Variants in EXOC4 observed in about 807,000 individuals in gnomAD.
EXOC4 encodes exocyst complex component 4.
EXOC4 carries 71 observed loss-of-function variants against 107.2 expected under a neutral mutation model. That is an observed-to-expected ratio of 0.66 (90% CI 0.55 to 0.81). EXOC4 has a LOEUF of 0.81. Among genes scored for constraint, EXOC4 ranks in the 30% least tolerant of loss-of-function variants. The pLI, the probability that EXOC4 is intolerant of heterozygous loss-of-function variation, is 0.00. For synonymous variants in EXOC4, 456 were observed against 441.2 expected (o/e 1.03, Z -0.42); for missense variants, 1,108 against 1,189.6 (o/e 0.93, Z 1.01).
At chr7:133,851,164 G>T (rs570301747) in intron 11 of EXOC4, among the ~76,000 whole-genome samples, 2 of 152,250 alleles carry the variant, frequency 1.3e-5, no homozygotes, top group South Asian at 4.1e-4. Context: ...GGAGGCTGGG[G>T]ATACAGCAGA....
intron 7 of EXOC4, among the ~76,000 whole-genome samples, chr7:133,409,914 A>G (rs1044646636): frequency 1.3e-5 from 2 of 152,038 alleles, no homozygotes; most frequent in African/African-American, 4.8e-5. Context: ...ATAATTTTGC[A>G]TTTTTTTGTT....
At position 133,568,223 on chromosome 7, in the gene EXOC4, C is replaced by T. The variant is rs1053101488; in HGVS notation, c.1418-61822C>T. Among the ~76,000 whole-genome samples the T allele has an allele frequency of 9.2e-5, 14 of 151,750 alleles. No homozygotes were observed. In the East Asian group the frequency reaches 2.5e-3, roughly 27 times the overall value. On this transcript the variant is annotated intron_variant, in intron 9 of 17. Coordinates refer to ENST00000253861, the MANE Select transcript of EXOC4 (RefSeq NM_021807.4). ...GTAATTTTCAGTTGCCTCTTCTTTC[C>T]CCCTTACTGATTTCTAGGATTTTTT...
rs28688603 is a variant in EXOC4 at position 133,504,515 on chromosome 7, G to C, written c.1417+24377G>C. Among the ~76,000 whole-genome samples the C allele has an allele frequency of 9.4e-4, 143 of 152,204 alleles. 1 individual carries two copies. The highest frequency in any genetic ancestry group is 3.2e-3 in the African/African-American group (134 of 41,544). On this transcript the variant is annotated intron_variant, in intron 9 of 17. Coordinates refer to ENST00000253861, the MANE Select transcript of EXOC4 (RefSeq NM_021807.4). The stretch of plus-strand genomic sequence containing the variant: ...CATGTTGAATTCCCAGTGGTGAGGT[G>C]AGGGTGTCAGCTGTTCTACTGGCGC...
intron 9 of EXOC4, among the ~76,000 whole-genome samples, chr7:133,629,531 T>TTTGTTTGC (rs1802537751): frequency 1.1e-3 from 1 of 880 alleles, no homozygotes. Context: ...TTTGTTTTGT[T>TTTGTTTGC]TTGTTTGTTT....
At chr7:133,323,125 G>T (rs1475876364) in intron 5 of EXOC4, among the ~76,000 whole-genome samples, 2 of 152,112 alleles carry the variant, frequency 1.3e-5, no homozygotes, top group Admixed American at 6.5e-5. Flanking sequence ...AGACAGTGGG[G>T]TTTTCTAAAT....
intron 9 of EXOC4, among the ~76,000 whole-genome samples, chr7:133,570,108 T>G (rs1205465033): frequency 6.6e-6 from 1 of 152,216 alleles, no homozygotes; most frequent in Non-Finnish European, 1.5e-5. Flanking sequence ...AGTTCAAATT[T>G]GGTATACAGA....
intron 10 of EXOC4, among the ~76,000 whole-genome samples, chr7:133,650,407 G>A (rs1273564757): frequency 1.3e-5 from 2 of 152,080 alleles, no homozygotes; most frequent in East Asian, 3.9e-4. Context: ...CTAGCAACTT[G>A]AGATTGTGCA....
intron 5 of EXOC4, among the ~76,000 whole-genome samples, chr7:133,348,047 C>T (rs1042692878): frequency 1.3e-5 from 2 of 152,048 alleles, no homozygotes; most frequent in Admixed American, 1.3e-4. Flanking sequence ...TTTGGAAATA[C>T]GTATATTTTG....
chr7:133,601,185 T>C (rs1801797572), intron 9 of EXOC4, among the ~76,000 whole-genome samples: 4 of 152,148 alleles, frequency 2.6e-5, no homozygotes, highest in Admixed American at 6.6e-5. Flanking sequence ...AAAAATCTGA[T>C]TGCTTTTTTA....
chr7:133,447,144 T>G (rs1206617690), intron 7 of EXOC4, among the ~76,000 whole-genome samples: 2 of 152,210 alleles, frequency 1.3e-5, no homozygotes, highest in Non-Finnish European at 2.9e-5. Flanking sequence ...GTTCATCATT[T>G]TATAGTCACT....
At chr7:133,771,313 A>C (rs1355790032) in intron 10 of EXOC4, 3 of 151,888 alleles carry the variant, frequency 2.0e-5, no homozygotes, top group South Asian at 2.1e-4. Flanking sequence ...GCAGTGTGTC[A>C]TGGATCCATT....
chr7:133,504,263 TAATC>T (rs1206262686), intron 9 of EXOC4, among the ~76,000 whole-genome samples: 2 of 152,054 alleles, frequency 1.3e-5, no homozygotes, highest in East Asian at 3.9e-4. Context: ...TTGAGAAAAT[TAATC>T]AAGAGAGGCA....
chr7:133,498,442 G>C (rs1240818395), intron 9 of EXOC4, among the ~76,000 whole-genome samples: 1 of 152,134 alleles, frequency 6.6e-6, no homozygotes, highest in Non-Finnish European at 1.5e-5. Context: ...AAAGTTAGCT[G>C]GGTGTGGTGG....
chr7:133,685,351 G>A (rs375715682), intron 10 of EXOC4, among the ~76,000 whole-genome samples: 6 of 152,018 alleles, frequency 3.9e-5, no homozygotes, highest in African/African-American at 1.2e-4. Context: ...CCCTTTGCTC[G>A]GCACTTATCC....
chr7:133,927,043 A>G (rs772199790), intron 13 of EXOC4, among the ~76,000 whole-genome samples: 1 of 152,054 alleles, frequency 6.6e-6, no homozygotes, highest in Non-Finnish European at 1.5e-5. Flanking sequence ...GAATCCTCTT[A>G]GTATGCTAAG....
chr7:133,263,757 A>G (rs1422770409), intron 1 of EXOC4, among the ~76,000 whole-genome samples: 1 of 122,522 alleles, frequency 8.2e-6, no homozygotes, highest in Non-Finnish European at 1.7e-5. Context: ...TTACATATGT[A>G]TATGTTGGGG....
At chr7:133,573,299 T>G (rs1455175469) in intron 9 of EXOC4, among the ~76,000 whole-genome samples, 1 of 152,220 alleles carries the variant, frequency 6.6e-6, no homozygotes, top group Non-Finnish European at 1.5e-5. Flanking sequence ...GTGAATTGAC[T>G]AGCTATTGAC....
At chr7:133,759,180 A>T (rs1481398972) in intron 10 of EXOC4, among the ~76,000 whole-genome samples, 1 of 147,588 alleles carries the variant, frequency 6.8e-6, no homozygotes, top group Non-Finnish European at 1.5e-5. Context: ...ATGGTATCTC[A>T]CTTTGTTGCC....
At chr7:133,898,134 T>C (rs964381438) in intron 12 of EXOC4, among the ~76,000 whole-genome samples, 12 of 151,932 alleles carry the variant, frequency 7.9e-5, no homozygotes, top group African/African-American at 2.9e-4. Flanking sequence ...TGCCTGGCCA[T>C]TGGATACATT....
Sources: allele counts gnomAD v4.1 joint callset (sites outside exome capture counted in the v4.1 genomes callset), GRCh38; gene constraint gnomAD v4.1.1; transcripts MANE v1.5; gene names NCBI Gene and HGNC (gene_info 2026-07-23, HGNC 2026-07-21).